The following FRMD5 variants were observed in gnomAD, a reference collection of about 807,000 sequenced individuals.
FRMD5 encodes FERM domain containing 5.
In FRMD5, 20 loss-of-function variants were observed where a neutral mutation model predicts 69.0. The observed-to-expected ratio is 0.29, with a 90% confidence interval of 0.20 to 0.42. The LOEUF (loss-of-function observed/expected upper bound fraction) is 0.42, where lower values mean the gene tolerates loss of function less well. FRMD5 is among the 10% of genes least tolerant of loss of function. The pLI is 1.00. For missense variants in FRMD5, 595 were observed against 708.6 expected (o/e 0.84, Z 1.82); for synonymous variants, 271 against 260.1 (o/e 1.04, Z -0.40).
chr15:44,154,983 C>G (rs2077504011), intron 1 of FRMD5, among the ~76,000 whole-genome samples: 1 of 151,984 alleles, frequency 6.6e-6, no homozygotes, highest in South Asian at 2.1e-4. Context: ...AGGTACTTCA[C>G]TAAAAAAACT....
intron 1 of FRMD5, among the ~76,000 whole-genome samples, chr15:44,140,566 C>T (rs984981099): frequency 4.6e-5 from 7 of 151,874 alleles, no homozygotes; most frequent in Non-Finnish European, 8.8e-5. Flanking sequence ...TATTTGCATG[C>T]TATCATTGCT....
chr15:43,884,492 G>A (rs568248751), intron 12 of FRMD5, among the ~76,000 whole-genome samples: 99 of 152,304 alleles, frequency 6.5e-4, no homozygotes, highest in African/African-American at 2.3e-3. Flanking sequence ...ATTGCCAAGT[G>A]AAGTGGCACC....
At chr15:43,895,641 G>A (rs1325794754) in intron 7 of FRMD5, among the ~76,000 whole-genome samples, 1 of 152,248 alleles carries the variant, frequency 6.6e-6, no homozygotes, top group Non-Finnish European at 1.5e-5. Context: ...CATATGAAGA[G>A]AGCAGTTCTC....
At chr15:44,188,135 TA>T (rs948192651) in intron 1 of FRMD5, among the ~76,000 whole-genome samples, 1 of 152,164 alleles carries the variant, frequency 6.6e-6, no homozygotes, top group Non-Finnish European at 1.5e-5. Flanking sequence ...AATTTATTTT[TA>T]AAAAATATAC....
intron 1 of FRMD5, among the ~76,000 whole-genome samples, chr15:44,135,185 C>T (rs1024889332): frequency 1.3e-5 from 2 of 152,104 alleles, no homozygotes; most frequent in Non-Finnish European, 2.9e-5. Context: ...TTCATACAAC[C>T]ACCCTCAATA....
intron 1 of FRMD5, among the ~76,000 whole-genome samples, chr15:43,981,027 A>C (rs1275723858): frequency 6.6e-6 from 1 of 152,166 alleles, no homozygotes; most frequent in East Asian, 1.9e-4. Flanking sequence ...ACACACATAC[A>C]CATTTTGAGA....
At chr15:43,973,741 A>G (rs978755686) in intron 1 of FRMD5, among the ~76,000 whole-genome samples, 4 of 152,028 alleles carry the variant, frequency 2.6e-5, no homozygotes, top group African/African-American at 9.7e-5. Flanking sequence ...TAATACAGCT[A>G]TTAAATCTTA....
At chr15:43,927,858 T>G (rs930679883) in intron 1 of FRMD5, among the ~76,000 whole-genome samples, 7 of 152,106 alleles carry the variant, frequency 4.6e-5, no homozygotes, top group Non-Finnish European at 8.8e-5. Context: ...GAGATAGCTA[T>G]AGGGAAAACA....
At chr15:43,942,437 T>G (rs1021255225) in intron 1 of FRMD5, among the ~76,000 whole-genome samples, 1 of 152,212 alleles carries the variant, frequency 6.6e-6, no homozygotes, top group Non-Finnish European at 1.5e-5. Context: ...TCAGAGTCTA[T>G]GGGACTTTGA....
chr15:44,013,857 C>CTTTTTT (rs3040909), intron 1 of FRMD5, among the ~76,000 whole-genome samples: 4 of 131,598 alleles, frequency 3.0e-5, no homozygotes, highest in African/African-American at 2.8e-5. Context: ...GAGACACCTT[C>CTTTTTT]TTTTTTTTTT....
At position 44,192,002 on chromosome 15, in the gene FRMD5, C is replaced by T. The variant is rs181281442; in HGVS notation, c.102+2951G>A. On this transcript the variant is annotated intron_variant, in intron 1 of 13. Transcript: ENST00000417257. ...GATGAGTAGACCAGATCTGCATTTACGAGGAAATGACCTTCAAAACTGGCA... is the reference window on the plus strand; with the variant it reads ...GATGAGTAGACCAGATCTGCATTTATGAGGAAATGACCTTCAAAACTGGCA... Among the ~76,000 whole-genome samples, 386 of 146,604 alleles carry T rather than the reference C, an allele frequency of 2.6e-3. 5 individuals carry two copies. The highest frequency in any genetic ancestry group is 9.1e-3 in the African/African-American group (363 of 39,996).
intron 1 of FRMD5, among the ~76,000 whole-genome samples, chr15:44,000,548 C>T (rs1042129402): frequency 7.2e-5 from 11 of 151,946 alleles, no homozygotes; most frequent in African/African-American, 2.7e-4. Flanking sequence ...CAACCTCTGC[C>T]TCCCGGGTTC....
At chr15:43,964,076 T>A (rs1173561090) in intron 1 of FRMD5, among the ~76,000 whole-genome samples, 1 of 151,408 alleles carries the variant, frequency 6.6e-6, no homozygotes, top group African/African-American at 2.4e-5. Flanking sequence ...AAAAAGAATA[T>A]CACTAGAAAA....
chr15:44,040,920 C>A lies in FRMD5; in HGVS notation c.103-116611G>T, dbSNP rs1278874625. ...ATCAGTGTGCTGTATTCAGGAGACCCATCTCATCTGCAAAGACACACGTAG... is the reference window on the plus strand; with the variant it reads ...ATCAGTGTGCTGTATTCAGGAGACCAATCTCATCTGCAAAGACACACGTAG... On this transcript the variant is annotated intron_variant, in intron 1 of 13. Coordinates refer to ENST00000417257, the MANE Select transcript of FRMD5 (RefSeq NM_032892.5). Among the ~76,000 whole-genome samples, 8 of 132,438 alleles carry A rather than the reference C, an allele frequency of 6.0e-5. No individual in the cohort carries two copies. In the East Asian group the frequency reaches 2.0e-3, roughly 33 times the overall value. 86.9% of individuals were successfully genotyped at this position (132,438 alleles called of 152,430 possible). A position where few individuals can be genotyped will look rare whatever the true frequency, so the allele number is the denominator to read the frequency against.
chr15:44,188,986 G>A (rs2078148645), intron 1 of FRMD5, among the ~76,000 whole-genome samples: 2 of 152,162 alleles, frequency 1.3e-5, no homozygotes. Flanking sequence ...GGTGTTTTCT[G>A]TAGACAAGTG....
chr15:43,952,634 C>T (rs749242680), intron 1 of FRMD5, among the ~76,000 whole-genome samples: 11 of 152,166 alleles, frequency 7.2e-5, no homozygotes, highest in Non-Finnish European at 1.5e-4. Flanking sequence ...CTTGAGATTT[C>T]CCAAGAAAAC....
At chr15:44,032,840 C>A (rs1352876549) in intron 1 of FRMD5, among the ~76,000 whole-genome samples, 1 of 152,152 alleles carries the variant, frequency 6.6e-6, no homozygotes, top group Non-Finnish European at 1.5e-5. Context: ...CCATTGGACC[C>A]AGCAATCCCA....
chr15:44,012,525 C>T (rs533938507), intron 1 of FRMD5, among the ~76,000 whole-genome samples: 12 of 152,118 alleles, frequency 7.9e-5, no homozygotes, highest in Admixed American at 4.6e-4. Context: ...AAAAACATAA[C>T]AAATTTTGGT....
chr15:43,908,322 T>G, intron 5 of FRMD5, among the ~76,000 whole-genome samples: 1 of 59,734 alleles, frequency 1.7e-5, no homozygotes. Flanking sequence ...AGCCAGATCC[T>G]GTCTCAAAAA....
Sources: gnomAD v4.1 joint callset for allele counts (sites outside exome capture counted in the v4.1 genomes callset) on GRCh38, gnomAD v4.1.1 for gene constraint, MANE v1.5 for transcripts, NCBI Gene and HGNC (gene_info 2026-07-23, HGNC 2026-07-21) for gene names.